The following SDC3 variants were observed in gnomAD, a reference collection of about 807,000 sequenced individuals.
SDC3 encodes the protein syndecan 3.
A neutral mutation model predicts 24.4 loss-of-function variants in SDC3; 13 were observed. The ratio of observed to expected loss-of-function variants is 0.53; its 90% confidence interval spans 0.35 to 0.85. The LOEUF (loss-of-function observed/expected upper bound fraction) is 0.85. Among genes scored for constraint, SDC3 ranks in the 40% least tolerant of loss-of-function variants. SDC3 has a pLI of 0.01. For missense variants in SDC3, 571 were observed against 584.5 expected (o/e 0.98, Z 0.24); for synonymous variants, 295 against 260.9 (o/e 1.13, Z -1.26).
intron 3 of SDC3, among the ~76,000 whole-genome samples, chr1:30,874,908 C>A (rs1210465153): frequency 1.3e-5 from 2 of 152,232 alleles, no homozygotes; most frequent in East Asian, 1.9e-4. Context: ...TCCTGTCCCC[C>A]TCATGTCCCC....
chr1:30,884,077 T>C (rs1639788579), intron 1 of SDC3, among the ~76,000 whole-genome samples: 1 of 152,044 alleles, frequency 6.6e-6, no homozygotes, highest in African/African-American at 2.4e-5. Context: ...GAGGGGGATG[T>C]CTCAGTCCCC....
Position 30,869,838 on chromosome 1 carries a change from C to T in SDC3, c.*3373G>A, listed in dbSNP as rs948221741. 1 of 398,618 alleles carries T rather than the reference C, an allele frequency of 2.5e-6. No individual in the cohort carries two copies. Among genetic ancestry groups the T allele is most frequent in the Non-Finnish European group, 4.4e-6 (1 of 226,098 alleles). 24.7% of individuals were successfully genotyped at this position (398,618 alleles called of 1,614,324 possible). A position where few individuals can be genotyped will look rare whatever the true frequency, so the allele number is the denominator to read the frequency against. The stretch of plus-strand genomic sequence containing the variant: ...AGGGAGGGACACTGTCTTCAGGGGG[C>T]TCTCTGGAGCCACGCTGCCTACGAA... On this transcript the variant is annotated 3_prime_UTR_variant, in exon 5 of 5. Coordinates refer to ENST00000339394, the MANE Select transcript of SDC3 (RefSeq NM_014654.4).
intron 1 of SDC3, among the ~76,000 whole-genome samples, chr1:30,881,644 G>T (rs1639746948): frequency 6.6e-6 from 1 of 152,202 alleles, no homozygotes; most frequent in Non-Finnish European, 1.5e-5. Flanking sequence ...CAGGGGAGCC[G>T]CTGAGCGTTC....
chr1:30,899,140 G>A (rs935227508), intron 1 of SDC3, among the ~76,000 whole-genome samples: 5 of 152,204 alleles, frequency 3.3e-5, no homozygotes, highest in African/African-American at 1.2e-4. Context: ...AGGCTGGAGT[G>A]CAGTGGCACA....
chr1:30,875,031 G>A (rs138993990), intron 3 of SDC3, among the ~76,000 whole-genome samples: 33 of 152,284 alleles, frequency 2.2e-4, no homozygotes, highest in African/African-American at 7.7e-4. Context: ...CCTAAGGCAG[G>A]GGAGCATTCT....
At chr1:30,892,090 T>C (rs1639914622) in intron 1 of SDC3, among the ~76,000 whole-genome samples, 2 of 151,700 alleles carry the variant, frequency 1.3e-5, no homozygotes. Flanking sequence ...CAGCCCCTTC[T>C]CCACACAGCT....
intron 3 of SDC3, among the ~76,000 whole-genome samples, chr1:30,876,269 G>T (rs567070776): frequency 1.3e-5 from 2 of 152,062 alleles, no homozygotes; most frequent in Non-Finnish European, 2.9e-5. Flanking sequence ...TCTCTCAACC[G>T]AAACACTCAG....
At chr1:30,886,645 T>C (rs942186599) in intron 1 of SDC3, among the ~76,000 whole-genome samples, 3 of 152,192 alleles carry the variant, frequency 2.0e-5, no homozygotes, top group African/African-American at 7.2e-5. Context: ...CTAAATCCTG[T>C]GTTCAGTGAA....
chr1:30,898,650 C>T (rs78539916), intron 1 of SDC3, among the ~76,000 whole-genome samples: 7,926 of 152,216 alleles, frequency 0.052, 412 homozygotes, highest in African/African-American at 0.15. Context: ...AGACAAGCCA[C>T]GTGAAGGGAG....
At chr1:30,885,538 G>A (rs1398205338) in intron 1 of SDC3, among the ~76,000 whole-genome samples, 2 of 152,132 alleles carry the variant, frequency 1.3e-5, no homozygotes, top group Non-Finnish European at 2.9e-5. Context: ...TGAAACTTCC[G>A]GGTCCCCTGG....
intron 1 of SDC3, among the ~76,000 whole-genome samples, chr1:30,891,932 T>TC: frequency 6.6e-6 from 1 of 150,834 alleles, no homozygotes. Context: ...CCACAGAGGA[T>TC]CCTGAGTGGG....
rs113338489 is a variant in SDC3 at position 30,887,836 on chromosome 1, A to G, written c.139-9096T>C. 6.4e-3 allele frequency among the ~76,000 whole-genome samples: 980 copies of G among 152,160 alleles called. 8 individuals are homozygous for G. The highest frequency in any genetic ancestry group is 0.018 in the African/African-American group (753 of 41,520). On this transcript the variant is annotated intron_variant, in intron 1 of 4. Coordinates refer to ENST00000339394, the MANE Select transcript of SDC3 (RefSeq NM_014654.4). Reference sequence around the variant, plus strand: ...CACCTGCCTCCTGCTCCCAATCGCTATGGGATCCCAAGGCAGGCCCTGCTC... The same window carrying G: ...CACCTGCCTCCTGCTCCCAATCGCTGTGGGATCCCAAGGCAGGCCCTGCTC...
intron 1 of SDC3, among the ~76,000 whole-genome samples, chr1:30,907,136 A>C (rs757262395): frequency 6.6e-6 from 1 of 152,222 alleles, no homozygotes; most frequent in Non-Finnish European, 1.5e-5. Flanking sequence ...CTGGGCACCC[A>C]GTGTTGCTTG....
chr1:30,869,618 C>T lies in SDC3; in HGVS notation c.*3593G>A. 2.5e-6 allele frequency: 1 copy of T among 397,726 alleles called. No homozygotes were observed. Among genetic ancestry groups the T allele is most frequent in the Non-Finnish European group, 4.4e-6 (1 of 225,932 alleles). The allele number at this position is 397,726 out of a possible 1,614,324, so 24.6% of individuals were successfully genotyped here. ...GAACAGGAGAGTACCCGCAGTGGGG[C>T]AGGCGCCTTGGTCTCTTTTTTCCAC... On this transcript the variant is annotated 3_prime_UTR_variant, in exon 5 of 5. Transcript: ENST00000339394.
In SDC3 at chr1:30,872,635, G is replaced by T. The variant is rs902287859; in HGVS notation, c.*576C>A. ...TGAAGTCTGGGTACATGTGTACTTGGCAGGCAAGAGGAGAGATTCAACAAC... is the reference window on the plus strand; with the variant it reads ...TGAAGTCTGGGTACATGTGTACTTGTCAGGCAAGAGGAGAGATTCAACAAC... On this transcript the variant is annotated 3_prime_UTR_variant, in exon 5 of 5. Transcript: ENST00000339394. 2 of 153,684 alleles carry T rather than the reference G, an allele frequency of 1.3e-5. No homozygotes were observed. The highest frequency in any genetic ancestry group is 6.4e-5 in the Admixed American group (1 of 15,604). 9.5% of individuals were successfully genotyped at this position (153,684 alleles called of 1,614,324 possible). A position where few individuals can be genotyped will look rare whatever the true frequency, so the allele number is the denominator to read the frequency against.
At chr1:30,891,998 C>G (rs1235851431) in intron 1 of SDC3, among the ~76,000 whole-genome samples, 5 of 151,944 alleles carry the variant, frequency 3.3e-5, no homozygotes, top group Non-Finnish European at 5.9e-5. Flanking sequence ...TGCAGGGAGC[C>G]AAAGAAAACC....
At chr1:30,890,019 C>T (rs1367600612) in intron 1 of SDC3, among the ~76,000 whole-genome samples, 1 of 151,986 alleles carries the variant, frequency 6.6e-6, no homozygotes, top group Non-Finnish European at 1.5e-5. Flanking sequence ...GAAAAAAAAA[C>T]TAATACTGAG....
intron 1 of SDC3, among the ~76,000 whole-genome samples, chr1:30,897,909 A>C (rs951190341): frequency 6.6e-6 from 1 of 152,142 alleles, no homozygotes; most frequent in Non-Finnish European, 1.5e-5. Context: ...GCAGAACTCA[A>C]TATGTCACCT....
chr1:30,898,143 C>T (rs1016487253), intron 1 of SDC3, among the ~76,000 whole-genome samples: 6 of 152,130 alleles, frequency 3.9e-5, no homozygotes, highest in African/African-American at 1.4e-4. Flanking sequence ...AGGCATGAAA[C>T]ACACTCTCAT....
Sources: allele counts gnomAD v4.1 joint callset (sites outside exome capture counted in the v4.1 genomes callset), GRCh38; gene constraint gnomAD v4.1.1; transcripts MANE v1.5; gene names NCBI Gene and HGNC (gene_info 2026-07-23, HGNC 2026-07-21).